Variants in COL5A2 observed in about 807,000 individuals in gnomAD.
COL5A2 encodes the protein collagen type V alpha 2 chain, also known as collagen alpha-2(V) chain.
In COL5A2, 23 loss-of-function variants were observed where a neutral mutation model predicts 208.2. The ratio of observed to expected loss-of-function variants is 0.11; its 90% CI spans 0.08 to 0.16. The LOEUF (loss-of-function observed/expected upper bound fraction) is 0.16. Among genes scored for constraint, COL5A2 ranks in the 10% least tolerant of loss-of-function variants. COL5A2 has a pLI of 1.00. For synonymous variants in COL5A2, 625 were observed against 628.5 expected (o/e 0.99, Z 0.08); for missense variants, 1,590 against 1,956.4 (o/e 0.81, Z 3.53).
At chr2:189,425,813 C>T in the COL5A2 span, among the ~76,000 whole-genome samples, 42 of 152,226 alleles carry the variant, frequency 2.8e-4, no homozygotes, top group African/African-American at 9.6e-4. Context: ...CACCTCCCTC[C>T]CATTCTTGGT....
chr2:189,151,395 C>CAATCT (rs1221026680), intron 1 of COL5A2, among the ~76,000 whole-genome samples: 1 of 152,064 alleles, frequency 6.6e-6, no homozygotes, highest in Non-Finnish European at 1.5e-5. Flanking sequence ...AGAGCAAAGA[C>CAATCT]AATCTAGATA....
rs116254769 is a variant in COL5A2 at position 189,077,011 on chromosome 2, A to G, written c.1059+1505T>C. ...AGCCCAGGAGTTCAAGGCTACAGTG[A>G]GCTATGATTGTGCCACTGCCCTGTA... On this transcript the variant is annotated intron_variant, in intron 16 of 53. Transcript: ENST00000374866. Among the ~76,000 whole-genome samples, 729 of 152,198 alleles carry G rather than the reference A, an allele frequency of 4.8e-3. 5 individuals are homozygous for G. The highest frequency in any genetic ancestry group is 0.017 in the African/African-American group (701 of 41,526).
At chr2:189,217,129 TAATG>T (rs1323242115) in intron 1 of COL5A2, among the ~76,000 whole-genome samples, 7 of 152,208 alleles carry the variant, frequency 4.6e-5, no homozygotes, top group Non-Finnish European at 1.0e-4. Flanking sequence ...TAGTTACAGA[TAATG>T]AAACAGTTCC....
At chr2:189,401,567 T>C in the COL5A2 span, among the ~76,000 whole-genome samples, 2 of 152,354 alleles carry the variant, frequency 1.3e-5, no homozygotes, top group South Asian at 2.1e-4. Context: ...TTGTATCTCA[T>C]TGGGCATATA....
chr2:189,067,166 T>C (rs1686173798), intron 21 of COL5A2, among the ~76,000 whole-genome samples: 2 of 152,192 alleles, frequency 1.3e-5, no homozygotes, highest in Non-Finnish European at 2.9e-5. Context: ...GTGAACTTGT[T>C]TACCCAGAAT....
At chr2:189,038,839 G>A (rs866727539) in intron 51 of COL5A2, among the ~76,000 whole-genome samples, 5 of 152,148 alleles carry the variant, frequency 3.3e-5, no homozygotes, top group Admixed American at 2.0e-4. Context: ...ACAGGCACCC[G>A]CCACCACGCC....
chr2:189,431,566 T>G, the COL5A2 span, among the ~76,000 whole-genome samples: 2 of 152,132 alleles, frequency 1.3e-5, no homozygotes, highest in African/African-American at 4.8e-5. Flanking sequence ...CTTCAATAGC[T>G]GATTCAATCA....
chr2:189,254,853 A>C, the COL5A2 span, among the ~76,000 whole-genome samples: 1 of 152,170 alleles, frequency 6.6e-6, no homozygotes, highest in African/African-American at 2.4e-5. Context: ...CTAGGAACAA[A>C]ACTCCTATCA....
chr2:189,081,080 T>C, intron 12 of COL5A2, 37 bp from the exon 13 acceptor site: 1 of 1,565,762 alleles, frequency 6.4e-7, no homozygotes, highest in Middle Eastern at 1.7e-4. Flanking sequence ...TTTACAGTCA[T>C]TAATAAGGAT....
At chr2:189,076,674 T>C (rs1022654190) in intron 16 of COL5A2, among the ~76,000 whole-genome samples, 1 of 152,092 alleles carries the variant, frequency 6.6e-6, no homozygotes, top group Non-Finnish European at 1.5e-5. Flanking sequence ...CTATGAGAGC[T>C]CTTGGGATGG....
chr2:189,236,326 A>G, the COL5A2 span, among the ~76,000 whole-genome samples: 1 of 151,948 alleles, frequency 6.6e-6, no homozygotes, highest in East Asian at 1.9e-4. Flanking sequence ...ATTACAAACA[A>G]TGTTGCTATG....
chr2:189,076,385 G>A (rs1434240058), intron 16 of COL5A2, among the ~76,000 whole-genome samples: 1 of 152,158 alleles, frequency 6.6e-6, no homozygotes, highest in Non-Finnish European at 1.5e-5. Flanking sequence ...TGGCACAATG[G>A]AAAATATTGT....
the COL5A2 span, among the ~76,000 whole-genome samples, chr2:189,288,109 AGG>A: frequency 6.6e-6 from 1 of 152,158 alleles, no homozygotes; most frequent in African/African-American, 2.4e-5. Flanking sequence ...GAATGAAAAG[AGG>A]TCCCACAGTA....
At chr2:189,344,198 T>C in the COL5A2 span, among the ~76,000 whole-genome samples, 1 of 152,194 alleles carries the variant, frequency 6.6e-6, no homozygotes, top group Non-Finnish European at 1.5e-5. Flanking sequence ...CATTGTTTTA[T>C]GAACATGTTT....
the COL5A2 span, among the ~76,000 whole-genome samples, chr2:189,391,844 A>G: frequency 6.6e-6 from 1 of 152,150 alleles, no homozygotes; most frequent in Non-Finnish European, 1.5e-5. Flanking sequence ...TGATGTGATT[A>G]CTTATTGGCC....
rs75422763 is a variant in COL5A2 at position 189,088,934 on chromosome 2, TTTGA to T, written c.568-166_568-163del. 0.034 allele frequency among the ~76,000 whole-genome samples: 5,145 copies of T among 152,304 alleles called. 126 individuals carry two copies. The highest frequency in any genetic ancestry group is 0.051 in the Middle Eastern group (15 of 294). On this transcript the variant is annotated intron_variant, in intron 7 of 53. Transcript: ENST00000374866. ...AAGCCTGGAAAAAGACTTAAGTTGC[TTTGA>T]TTGTTTGTGCTTTTTATTGACCATT...
At chr2:189,319,859 C>T in the COL5A2 span, among the ~76,000 whole-genome samples, 7 of 152,340 alleles carry the variant, frequency 4.6e-5, no homozygotes, top group South Asian at 1.2e-3. Flanking sequence ...AATGGACAGA[C>T]TGCATCCTCA....
intron 1 of COL5A2, among the ~76,000 whole-genome samples, chr2:189,215,397 T>C (rs187824698): frequency 3.9e-5 from 6 of 152,254 alleles, no homozygotes; most frequent in African/African-American, 7.2e-5. Context: ...GCTGTAAGAG[T>C]AATATATGCA....
At chr2:189,090,939 A>G (rs1461622648) in intron 7 of COL5A2, among the ~76,000 whole-genome samples, 2 of 152,192 alleles carry the variant, frequency 1.3e-5, no homozygotes, top group African/African-American at 2.4e-5. Context: ...ATGCCTGCTA[A>G]TACAAAAACC....
Sources: gnomAD v4.1 joint callset for allele counts (sites outside exome capture counted in the v4.1 genomes callset) on GRCh38, gnomAD v4.1.1 for gene constraint, MANE v1.5 for transcripts, NCBI Gene and HGNC (gene_info 2026-07-23, HGNC 2026-07-21) for gene names.